Variants in COL5A2 observed in about 807,000 individuals in gnomAD.
COL5A2 encodes collagen alpha-2(V) chain.
Under a neutral mutation model 208.2 loss-of-function variants are expected in COL5A2, and 23 were observed. The ratio of observed to expected loss-of-function variants is 0.11; its 90% CI spans 0.08 to 0.16. COL5A2 has a LOEUF of 0.16. Among genes scored for constraint, COL5A2 ranks in the 10% least tolerant of loss-of-function variants. The pLI is 1.00. For synonymous variants in COL5A2, 625 were observed against 628.5 expected (o/e 0.99, Z 0.08); for missense variants, 1,590 against 1,956.4 (o/e 0.81, Z 3.53).
chr2:189,290,564 A>T, the COL5A2 span, among the ~76,000 whole-genome samples: 2 of 152,182 alleles, frequency 1.3e-5, no homozygotes, highest in Admixed American at 1.3e-4. Context: ...TTGAGGTAGA[A>T]TTGTTAGCAA....
intron 3 of COL5A2, among the ~76,000 whole-genome samples, chr2:189,103,796 C>T (rs1687096333): frequency 6.6e-6 from 1 of 152,024 alleles, no homozygotes; most frequent in Non-Finnish European, 1.5e-5. Flanking sequence ...TGGATCTTTA[C>T]TTCCCAACCA....
the COL5A2 span, among the ~76,000 whole-genome samples, chr2:189,236,582 G>A: frequency 2.0e-5 from 3 of 151,558 alleles, no homozygotes; most frequent in Non-Finnish European, 4.4e-5. Flanking sequence ...ATCACATTTT[G>A]GTTTTAATTT....
chr2:189,097,894 G>A (rs927175900), intron 5 of COL5A2, among the ~76,000 whole-genome samples: 4 of 152,092 alleles, frequency 2.6e-5, no homozygotes, highest in African/African-American at 9.7e-5. Context: ...ACTTTACTTA[G>A]AATATTGCAT....
At chr2:189,044,903 T>C (rs1405634744) in intron 47 of COL5A2, among the ~76,000 whole-genome samples, 1 of 152,170 alleles carries the variant, frequency 6.6e-6, no homozygotes, top group Non-Finnish European at 1.5e-5. Flanking sequence ...AGAAATGCAC[T>C]ATAATTCCTA....
chr2:189,049,040 A>T (rs1280839122), intron 44 of COL5A2, among the ~76,000 whole-genome samples: 1 of 32,022 alleles, frequency 3.1e-5, no homozygotes, highest in African/African-American at 6.0e-5. Flanking sequence ...AAATGAAATA[A>T]TAACAAGGGA....
chr2:189,398,168 T>G, the COL5A2 span, among the ~76,000 whole-genome samples: 2 of 152,178 alleles, frequency 1.3e-5, no homozygotes, highest in Non-Finnish European at 2.9e-5. Context: ...TGATATTCAA[T>G]CTGATGTTCA....
intron 4 of COL5A2, among the ~76,000 whole-genome samples, chr2:189,099,503 T>C (rs1224033462): frequency 2.0e-5 from 3 of 152,152 alleles, no homozygotes; most frequent in African/African-American, 4.8e-5. Context: ...CTCTTGCCTG[T>C]AGTCCCAGCT....
At chr2:189,195,994 G>T (rs567451117) in intron 1 of COL5A2, among the ~76,000 whole-genome samples, 1 of 152,102 alleles carries the variant, frequency 6.6e-6, no homozygotes, top group Admixed American at 6.6e-5. Flanking sequence ...CACAGCAAAA[G>T]AAACTATCAT....
the COL5A2 span, among the ~76,000 whole-genome samples, chr2:189,249,078 T>C: frequency 1.3e-5 from 2 of 152,172 alleles, no homozygotes; most frequent in African/African-American, 4.8e-5. Context: ...CCAAAAAAGA[T>C]TTTATTAAAA....
In COL5A2 at chr2:189,171,269, C is replaced by A. The variant is rs370391610; in HGVS notation, c.97+8239G>T. 5.3e-5 allele frequency among the ~76,000 whole-genome samples: 8 copies of A among 152,080 alleles called. No individual in the cohort carries two copies. The East Asian group carries it at 5.8e-4, about 11-fold the overall frequency. On this transcript the variant is annotated intron_variant, in intron 1 of 53. Coordinates refer to ENST00000374866, the MANE Select transcript of COL5A2 (RefSeq NM_000393.5). ...CACACTAAGAAGCTTGAACCTTATT[C>A]TTTCTACAAGTTACAGGACCCAATG...
chr2:189,366,132 G>A, the COL5A2 span, among the ~76,000 whole-genome samples: 6 of 152,122 alleles, frequency 3.9e-5, no homozygotes, highest in African/African-American at 1.4e-4. Flanking sequence ...CCATCAAAAG[G>A]CCCTTGTAAG....
the COL5A2 span, among the ~76,000 whole-genome samples, chr2:189,382,410 C>T: frequency 6.6e-6 from 1 of 151,540 alleles, no homozygotes; most frequent in Non-Finnish European, 1.5e-5. Flanking sequence ...TTTTTAAAGA[C>T]AAAAGTAAAT....
At chr2:189,071,225 C>T (rs924584986) in intron 18 of COL5A2, among the ~76,000 whole-genome samples, 2 of 152,174 alleles carry the variant, frequency 1.3e-5, no homozygotes, top group Non-Finnish European at 2.9e-5. Flanking sequence ...GGCCAGGTGA[C>T]TGTCCGTGAC....
At chr2:189,092,533 T>A in intron 6 of COL5A2, 113 bp from the exon 7 acceptor site, 2 of 739,174 alleles carry the variant, frequency 2.7e-6, no homozygotes, top group Non-Finnish European at 2.4e-6. Flanking sequence ...TAAAAATACA[T>A]GGCAATCTAG....
chr2:189,427,335 C>T, the COL5A2 span, among the ~76,000 whole-genome samples: 1 of 152,142 alleles, frequency 6.6e-6, no homozygotes, highest in Non-Finnish European at 1.5e-5. Flanking sequence ...AGAGTTGAGG[C>T]TTGGGAGCCT....
At chr2:189,075,494 C>G in intron 16 of COL5A2, 57 bp from the exon 17 acceptor site, 1 of 1,391,602 alleles carries the variant, frequency 7.2e-7, no homozygotes, top group Non-Finnish European at 1.0e-6. Context: ...ACTATATTTT[C>G]TCTTATTTGC....
the COL5A2 span, among the ~76,000 whole-genome samples, chr2:189,265,778 A>C: frequency 2.0e-5 from 3 of 152,184 alleles, no homozygotes; most frequent in Admixed American, 6.5e-5. Flanking sequence ...ATACCACTTA[A>C]CACTCAGAGA....
chr2:189,074,203 C>T lies in COL5A2; in HGVS notation c.1104+1190G>A, dbSNP rs78360123. Among the ~76,000 whole-genome samples, 353 of 152,144 alleles carry T rather than the reference C, an allele frequency of 2.3e-3. 8 individuals carry two copies. In the East Asian group the frequency reaches 0.051, roughly 22 times the overall value. On this transcript the variant is annotated intron_variant, in intron 17 of 53. Transcript: ENST00000374866. The stretch of plus-strand genomic sequence containing the variant: ...AGATGATCTTTCTGGTCATAAAGTT[C>T]CTATGTTTAAAATCTCTGAATGATC...
At chr2:189,183,841 G>A (rs1688813633), upstream of COL5A2, among the ~76,000 whole-genome samples, 1 of 152,136 alleles carries the variant, frequency 6.6e-6, no homozygotes, top group Non-Finnish European at 1.5e-5. Flanking sequence ...TCCTCTTGTT[G>A]TTTTATCCGG....
Sources: allele counts gnomAD v4.1 joint callset (sites outside exome capture counted in the v4.1 genomes callset), GRCh38; gene constraint gnomAD v4.1.1; transcripts MANE v1.5; gene names NCBI Gene and HGNC (gene_info 2026-07-23, HGNC 2026-07-21).